Variants in INSL6 observed in about 807,000 individuals in gnomAD.
INSL6 encodes the protein insulin like 6.
A neutral mutation model predicts 9.4 loss-of-function variants in INSL6; 16 were observed. The ratio of observed to expected loss-of-function variants is 1.70; its 90% CI spans 1.15 to 2.59. The LOEUF is 2.59. Ranked by LOEUF, INSL6 falls within the 30% of genes most tolerant of loss-of-function variation. INSL6 has a pLI of 0.00. For synonymous variants in INSL6, 154 were observed against 96.9 expected (o/e 1.59, Z -3.46); for missense variants, 391 against 257.3 (o/e 1.52, Z -3.56).
the INSL6 span, chr9:5,065,064 A>G: frequency 4.1e-6 from 6 of 1,454,020 alleles, no homozygotes; most frequent in Admixed American, 2.3e-5. Context: ...ACTTAAAAGT[A>G]AATTTTTAGA....
At chr9:5,091,697 C>G in the INSL6 span, 1 of 152,080 alleles carries the variant, frequency 6.6e-6, no homozygotes, top group African/African-American at 2.4e-5. Flanking sequence ...TTGGTATAGA[C>G]TTTTCTAGTC....
At chr9:5,086,285 G>T in the INSL6 span, among the ~76,000 whole-genome samples, 1 of 152,154 alleles carries the variant, frequency 6.6e-6, no homozygotes, top group Admixed American at 6.5e-5. Flanking sequence ...CTCCTGCCAG[G>T]ACCTGGAGCC....
At chr9:5,117,519 G>A in the INSL6 span, among the ~76,000 whole-genome samples, 4 of 151,956 alleles carry the variant, frequency 2.6e-5, no homozygotes, top group Non-Finnish European at 4.4e-5. Context: ...GTTTTCCAGA[G>A]GCAATAAGAT....
the INSL6 span, chr9:5,091,207 G>T: frequency 4.7e-6 from 1 of 210,900 alleles, no homozygotes; most frequent in Non-Finnish European, 9.3e-6. Flanking sequence ...TGGTGCTGTG[G>T]GTTGTGGTAT....
At chr9:5,040,396 G>C in the INSL6 span, among the ~76,000 whole-genome samples, 1 of 152,128 alleles carries the variant, frequency 6.6e-6, no homozygotes, top group African/African-American at 2.4e-5. Flanking sequence ...AGATTAGGCA[G>C]TGGTTTCTTA....
intron 2 of INSL6, among the ~76,000 whole-genome samples, chr9:5,153,400 C>T (rs956751623): frequency 5.9e-5 from 9 of 152,192 alleles, no homozygotes; most frequent in Admixed American, 4.6e-4. Context: ...TGGTTTCACC[C>T]TCACGGTGTA....
At chr9:5,017,376 A>G in the INSL6 span, among the ~76,000 whole-genome samples, 2 of 152,190 alleles carry the variant, frequency 1.3e-5, no homozygotes, top group Non-Finnish European at 2.9e-5. Context: ...ATTCTAGCAA[A>G]TTTACTCCTT....
At chr9:5,144,734 T>C (rs1824569102) in intron 2 of INSL6, among the ~76,000 whole-genome samples, 1 of 152,214 alleles carries the variant, frequency 6.6e-6, no homozygotes, top group Non-Finnish European at 1.5e-5. Flanking sequence ...GTAATACCCC[T>C]GTCTTTTTAA....
the INSL6 span, among the ~76,000 whole-genome samples, chr9:5,117,941 T>G: frequency 3.3e-5 from 5 of 152,220 alleles, no homozygotes; most frequent in African/African-American, 1.2e-4. Flanking sequence ...CTAAAAGAAT[T>G]TAGAAAAACC....
intron 2 of INSL6, among the ~76,000 whole-genome samples, chr9:5,149,913 A>G (rs1824678500): frequency 6.6e-6 from 1 of 152,234 alleles, no homozygotes; most frequent in South Asian, 2.1e-4. Context: ...AGATCAGCAG[A>G]ACATAATAGA....
chr9:5,157,063 T>C (rs1039806193), intron 2 of INSL6, among the ~76,000 whole-genome samples: 2 of 152,040 alleles, frequency 1.3e-5, no homozygotes, highest in Admixed American at 1.3e-4. Flanking sequence ...TTTAACAACA[T>C]ATGTATTATA....
the INSL6 span, chr9:5,089,864 G>A: frequency 1.4e-6 from 2 of 1,467,418 alleles, no homozygotes; most frequent in Non-Finnish European, 9.0e-7. Context: ...TACAGTGCTG[G>A]TAAGCTGCCC....
At chr9:5,152,818 AG>A (rs1352100068) in intron 2 of INSL6, among the ~76,000 whole-genome samples, 4 of 152,232 alleles carry the variant, frequency 2.6e-5, no homozygotes, top group Admixed American at 1.3e-4. Flanking sequence ...CGCAGAAGGC[AG>A]GTGATTTCTG....
chr9:5,091,662 G>C, the INSL6 span: 1 of 152,138 alleles, frequency 6.6e-6, no homozygotes, highest in African/African-American at 2.4e-5. Context: ...AATGGAGGCT[G>C]AAGTTTGGGT....
At chr9:5,184,857 C>G (rs1404221921) in intron 1 of INSL6, among the ~76,000 whole-genome samples, 1 of 152,042 alleles carries the variant, frequency 6.6e-6, no homozygotes, top group Non-Finnish European at 1.5e-5. Flanking sequence ...CTTTTTTGAA[C>G]AAGGTACTCT....
At chr9:5,019,369 G>A in the INSL6 span, among the ~76,000 whole-genome samples, 1 of 151,708 alleles carries the variant, frequency 6.6e-6, no homozygotes, top group African/African-American at 2.4e-5. Context: ...TCAGTTTCAG[G>A]GTTTCTTGTT....
chr9:5,101,468 G>C, the INSL6 span, among the ~76,000 whole-genome samples: 4 of 152,244 alleles, frequency 2.6e-5, no homozygotes, highest in African/African-American at 9.6e-5. Context: ...TAGCTGAAAA[G>C]GCAGCAGAAA....
the INSL6 span, among the ~76,000 whole-genome samples, chr9:5,058,250 C>T: frequency 1.3e-5 from 2 of 152,088 alleles, no homozygotes; most frequent in African/African-American, 4.8e-5. Context: ...CTACCTGGGA[C>T]TGGATAATTT....
chr9:5,112,534 TG>T, the INSL6 span: 1 of 584,004 alleles, frequency 1.7e-6, no homozygotes. Context: ...GAAGGCCGAG[TG>T]GGAGAAGCAG....
Sources: allele counts gnomAD v4.1 joint callset (sites outside exome capture counted in the v4.1 genomes callset), GRCh38; gene constraint gnomAD v4.1.1; transcripts MANE v1.5; gene names NCBI Gene and HGNC (gene_info 2026-07-23, HGNC 2026-07-21).